The following HMCN2 variants were observed in gnomAD, a reference collection of about 807,000 sequenced individuals.
The protein encoded by HMCN2 is hemicentin-2.
In HMCN2, 325 loss-of-function variants were observed where a neutral mutation model predicts 377.5. The observed-to-expected ratio is 0.86, with a 90% CI of 0.79 to 0.94. HMCN2 has a LOEUF of 0.94. Ranked by LOEUF, HMCN2 falls within the 40% of genes least tolerant of loss-of-function variation. The pLI is 0.00. For missense variants in HMCN2, 4,543 were observed against 4,725.3 expected (o/e 0.96, Z 1.13); for synonymous variants, 2,007 against 2,046.8 (o/e 0.98, Z 0.53).
intron 23 of HMCN2, among the ~76,000 whole-genome samples, chr9:130,339,277 G>A (rs1838925030): frequency 6.6e-6 from 1 of 152,218 alleles, no homozygotes; most frequent in African/African-American, 2.4e-5. Flanking sequence ...GCCTGTGGCT[G>A]CTTTACCCTC....
chr9:130,307,511 T>A lies in HMCN2; in HGVS notation c.2145T>A (p.Ala715=), dbSNP rs1554937269. ...AVVLVAVGEE[A]VLVCEASGVP... Reference sequence around the variant, plus strand: ...TGCTGGTGGCCGTTGGGGAGGAGGCTGTGTTGGTGTGTGAGGCATCTGGGG... The same window carrying A: ...TGCTGGTGGCCGTTGGGGAGGAGGCAGTGTTGGTGTGTGAGGCATCTGGGG... The change falls in exon 14 of 98, where the codon GCT becomes GCA. Residue 715 remains alanine (A), a synonymous_variant. Coordinates refer to ENST00000683500, the MANE Select transcript of HMCN2 (RefSeq NM_001291815.2). 2.1e-6 allele frequency: 1 copy of A among 471,122 alleles called. No individual in the cohort carries two copies. Among genetic ancestry groups the A allele is most frequent in the South Asian group, 1.5e-5 (1 of 64,558 alleles). The allele number at this position is 471,122 out of a possible 1,614,324, so 29.2% of individuals were successfully genotyped here. A position where few individuals can be genotyped will look rare whatever the true frequency, so the allele number is the denominator to read the frequency against.
chr9:130,359,246 G>C (rs1234041165), intron 36 of HMCN2, 73 bp from the exon 37 acceptor site: 2 of 794,540 alleles, frequency 2.5e-6, no homozygotes, highest in Non-Finnish European at 3.7e-6. Context: ...GAGCAGCACT[G>C]CTGGGATGGC....
At chr9:130,427,714 C>A in intron 92 of HMCN2, 95 bp downstream of exon 92, 1 of 1,414,718 alleles carries the variant, frequency 7.1e-7, no homozygotes, top group Non-Finnish European at 9.4e-7. Context: ...TGGCTGGGGA[C>A]ACAGACCTGC....
In HMCN2 at chr9:130,313,324, TCC is replaced by T. The variant is rs1837362588; in HGVS notation, c.2350+3264_2350+3265del. ...TGTCTGGGGCATAGGAAGGGAGGCA[TCC>T]TACTCCTCTGTGCCAGGAGGGCCTG... On this transcript the variant is annotated intron_variant, in intron 15 of 97. Transcript: ENST00000683500. 1.4e-5 allele frequency among the ~76,000 whole-genome samples: 2 copies of T among 147,678 alleles called. 1 individual carries two copies. Among genetic ancestry groups the T allele is most frequent in the Non-Finnish European group, 3.1e-5 (2 of 65,436 alleles).
intron 15 of HMCN2, among the ~76,000 whole-genome samples, chr9:130,312,594 TTCTTTCTTTCTTTCTTTCTTTC>T (rs1837325103): frequency 1.9e-5 from 2 of 107,514 alleles, no homozygotes; most frequent in African/African-American, 7.1e-5. Flanking sequence ...CTTTCTTTCT[TTCTTTCTTTCTTTCTTTCTTTC>T]TCTGTCTCTC....
Position 130,400,966 on chromosome 9 carries a change from CAG to C in HMCN2, c.11770+26_11770+27del. The C allele has an allele frequency of 7.8e-7, 1 of 1,276,046 alleles. No individual in the cohort carries two copies. Among genetic ancestry groups the C allele is most frequent in the Non-Finnish European group, 1.0e-6 (1 of 982,360 alleles). 79.0% of individuals were successfully genotyped at this position (1,276,046 alleles called of 1,614,324 possible). On this transcript the variant is annotated intron_variant, in intron 77 of 97. Coordinates refer to ENST00000683500, the MANE Select transcript of HMCN2 (RefSeq NM_001291815.2). ...CCATCGGGTAAGTAAGGGTAAGCCA[CAG>C]AGAGAGGCAGCTGAGGGGAGACTGG...
rs1842466068 is a variant in HMCN2, at chr9:130,393,957, G to A, written c.10450G>A (p.Ala3484Thr). Reference sequence around the variant, plus strand: ...TGACTCGGGGACCTACTCCTGTGTGGCCGTGAGCGAGGCGGGGGAAGCCAG... The same window carrying A: ...TGACTCGGGGACCTACTCCTGTGTGACCGTGAGCGAGGCGGGGGAAGCCAG... Reference protein sequence around the residue: ...AGDSGTYSCVAVSEAGEARRH... With the variant: ...AGDSGTYSCVTVSEAGEARRH... Residue 3484 changes from alanine (A) to threonine (T), a missense_variant, in exon 68 of 98, where the codon GCC (alanine) becomes ACC (threonine). Around this residue, in one of 5 missense-constraint regions of HMCN2, gnomAD observed 1,073 missense variants for 1,319.5 expected, o/e 0.81. Coordinates refer to ENST00000683500, the MANE Select transcript of HMCN2 (RefSeq NM_001291815.2). This position sits in a 1 kb window ranked among gnomAD's most constrained non-coding sequence, Gnocchi z 5.2. 11 of 1,286,018 alleles carry A rather than the reference G, an allele frequency of 8.6e-6. No individual in the cohort carries two copies. Among genetic ancestry groups the A allele is most frequent in the Non-Finnish European group, 1.1e-5 (11 of 987,568 alleles). The allele number at this position is 1,286,018 out of a possible 1,614,324, so 79.7% of individuals were successfully genotyped here. A position where few individuals can be genotyped will look rare whatever the true frequency, so the allele number is the denominator to read the frequency against.
Position 130,394,334 on chromosome 9 carries a change from T to C in HMCN2, c.10502-51T>C, listed in dbSNP as rs2131686710. Reference sequence around the variant, plus strand: ...AGCACAGTGTTTTCAAGTGCGGTGCTGTCCCGGAAATGTGTGTCAATTGTG... The same window carrying C: ...AGCACAGTGTTTTCAAGTGCGGTGCCGTCCCGGAAATGTGTGTCAATTGTG... On this transcript the variant is annotated intron_variant, in intron 68 of 97. Coordinates refer to ENST00000683500, the MANE Select transcript of HMCN2 (RefSeq NM_001291815.2). The surrounding 1 kb of genome is among the most constrained non-coding windows in gnomAD (Gnocchi z 5.1). 8.5e-7 allele frequency: 1 copy of C among 1,170,916 alleles called. No homozygotes were observed. Among genetic ancestry groups the C allele is most frequent in the Non-Finnish European group, 1.1e-6 (1 of 884,898 alleles). The allele number at this position is 1,170,916 out of a possible 1,614,324, so 72.5% of individuals were successfully genotyped here. A position where few individuals can be genotyped will look rare whatever the true frequency, so the allele number is the denominator to read the frequency against.
chr9:130,431,405 G>T lies in HMCN2; in HGVS notation c.14686G>T (p.Ala4896Ser), dbSNP rs868204870. ...ECRVRNLCQH[A>S]CRNTEGSYQC... ...CCGCGTGAGGAACCTGTGTCAGCACGCCTGCCGCAACACTGAGGGCAGCTA... is the reference window on the plus strand; with the variant it reads ...CCGCGTGAGGAACCTGTGTCAGCACTCCTGCCGCAACACTGAGGGCAGCTA... The change falls in exon 96 of 98, where the codon GCC (alanine) becomes TCC (serine). Residue 4896 changes from alanine (A) to serine (S), a missense_variant. Physicochemically the swap from Ala to Ser is moderately conservative, Grantham distance 99. Transcript: ENST00000683500. 44 of 1,549,942 alleles carry T rather than the reference G, an allele frequency of 2.8e-5. No individual in the cohort carries two copies. In the African/African-American group the frequency reaches 4.4e-4, roughly 15 times the overall value.
In HMCN2 at chr9:130,265,839, C is replaced by A. The variant is rs1834060565; in HGVS notation, c.-40C>A. On this transcript the variant is annotated 5_prime_UTR_variant, in exon 1 of 98. Transcript: ENST00000683500. ...GGGGCGGCCGGCTAGCTCCGACCTGCGCCTCCACCGCAGCACCCGCAGCCA... is the reference window on the plus strand; with the variant it reads ...GGGGCGGCCGGCTAGCTCCGACCTGAGCCTCCACCGCAGCACCCGCAGCCA... 1 of 322,430 alleles carries A rather than the reference C, an allele frequency of 3.1e-6. No individual in the cohort carries two copies. The highest frequency in any genetic ancestry group is 5.9e-6 in the Non-Finnish European group (1 of 168,218). 20.0% of individuals were successfully genotyped at this position (322,430 alleles called of 1,614,324 possible).
chr9:130,279,469 C>G (rs888518120), intron 1 of HMCN2, among the ~76,000 whole-genome samples: 1 of 152,136 alleles, frequency 6.6e-6, no homozygotes, highest in Non-Finnish European at 1.5e-5. Context: ...TCTCCTGCCT[C>G]AGCCTTTTGA....
In HMCN2 at chr9:130,393,959, C is replaced by T. The variant is rs930469486; in HGVS notation, c.10452C>T (p.Ala3484=). 22 of 1,285,430 alleles carry T rather than the reference C, an allele frequency of 1.7e-5. No individual in the cohort carries two copies. The Middle Eastern group carries it at 1.2e-3, about 70-fold the overall frequency. 79.6% of individuals were successfully genotyped at this position (1,285,430 alleles called of 1,614,324 possible). ...AGDSGTYSCV[A]VSEAGEARRH... is the part of the protein sequence containing the mutation. ...ACTCGGGGACCTACTCCTGTGTGGC[C>T]GTGAGCGAGGCGGGGGAAGCCAGGA... The change falls in exon 68 of 98, where the codon GCC becomes GCT. Residue 3484 remains alanine, a synonymous_variant. Transcript: ENST00000683500. The surrounding 1 kb of genome is among the most constrained non-coding windows in gnomAD (Gnocchi z 5.2).
chr9:130,390,748 G>A (rs926002517), intron 62 of HMCN2, among the ~76,000 whole-genome samples: 2 of 152,108 alleles, frequency 1.3e-5, no homozygotes, highest in East Asian at 3.9e-4. Flanking sequence ...GGGAGGGAGA[G>A]GATGGGAGCT....
rs535501059 is a variant in HMCN2 at position 130,299,279 on chromosome 9, G to A, written c.1267G>A (p.Val423Met). ...TGTCTCTGGAGTGTCCTACAGTGGG[G>A]TGGCCCCAGGTGAGTGGTTGGCTCT... ...LRVSGVSYSG[V>M]APGAPLVSMA... is the part of the protein sequence containing the mutation. Residue 423 changes from valine to methionine, a missense_variant, in exon 8 of 98, where the codon GTG (valine) becomes ATG (methionine). This residue lies in a region of HMCN2 where 547 missense variants were observed against 189.9 expected (regional missense o/e 2.88). Transcript: ENST00000683500. 2.4e-5 allele frequency: 11 copies of A among 455,642 alleles called. No homozygotes were observed. Among genetic ancestry groups the A allele is most frequent in the Non-Finnish European group, 4.2e-5 (9 of 216,274 alleles). The allele number at this position is 455,642 out of a possible 1,614,324, so 28.2% of individuals were successfully genotyped here. A position where few individuals can be genotyped will look rare whatever the true frequency, so the allele number is the denominator to read the frequency against.
Position 130,430,566 on chromosome 9 carries a change from G to A in HMCN2, c.14609G>A (p.Cys4870Tyr). The A allele has an allele frequency of 6.4e-7, 1 of 1,550,416 alleles. No homozygotes were observed. Among genetic ancestry groups the A allele is most frequent in the Non-Finnish European group, 8.7e-7 (1 of 1,146,902 alleles). ...CTGAGCAGTGTGGGCCGGGCCTGGTGCCCTCCTGGTTTCATCAGGCAGAAC... is the reference window on the plus strand; with the variant it reads ...CTGAGCAGTGTGGGCCGGGCCTGGTACCCTCCTGGTTTCATCAGGCAGAAC... The part of the protein sequence containing the change: ...MALSSVGRAW[C>Y]PPGFIRQNGV... Residue 4870 changes from cysteine (C) to tyrosine (Y), a missense_variant, in exon 95 of 98, where the codon TGC (cysteine) becomes TAC (tyrosine). Around this residue, in one of 5 missense-constraint regions of HMCN2, gnomAD observed 1,155 missense variants for 1,157.7 expected, o/e 1.00. Transcript: ENST00000683500.
chr9:130,316,284 C>CTGGGGAGTTG (rs1329777168), intron 15 of HMCN2, among the ~76,000 whole-genome samples: 2 of 151,778 alleles, frequency 1.3e-5, no homozygotes, highest in African/African-American at 4.8e-5. Flanking sequence ...GTGTTGAGGG[C>CTGGGGAGTTG]TGGGGAGTTG....
At position 130,425,855 on chromosome 9, in the gene HMCN2, G is replaced by C; in HGVS notation, c.13810G>C (p.Ala4604Pro). 1 of 1,550,432 alleles carries C rather than the reference G, an allele frequency of 6.4e-7. No individual in the cohort carries two copies. The highest frequency in any genetic ancestry group is 1.4e-5 in the African/African-American group (1 of 73,168). The change falls in exon 90 of 98, where the codon GCT becomes CCT. Residue 4604 changes from alanine to proline, a missense_variant. Around this residue, in one of 5 missense-constraint regions of HMCN2, gnomAD observed 1,155 missense variants for 1,157.7 expected, o/e 1.00. Coordinates refer to ENST00000683500, the MANE Select transcript of HMCN2 (RefSeq NM_001291815.2). ...PQLVQHLRAS[A>P]ISSAFDPEAE... Reference sequence around the variant, plus strand: ...GCTGGTGCAGCACCTGCGGGCCTCAGCTATCAGCTCGGCCTTTGATCCAGA... The same window carrying C: ...GCTGGTGCAGCACCTGCGGGCCTCACCTATCAGCTCGGCCTTTGATCCAGA...
chr9:130,296,863 T>G, intron 7 of HMCN2, 69 bp downstream of exon 7: 26 of 434,934 alleles, frequency 6.0e-5, no homozygotes, highest in Non-Finnish European at 1.0e-4. Flanking sequence ...CTTTGGGAAG[T>G]AGGGGGGAGG....
intron 34 of HMCN2, among the ~76,000 whole-genome samples, chr9:130,357,313 C>G (rs1328055426): frequency 6.2e-4 from 35 of 56,666 alleles, no homozygotes; most frequent in African/African-American, 1.1e-3. Flanking sequence ...TAGATGGATG[C>G]ATGGGTGGGT....
Sources: allele counts gnomAD v4.1 joint callset (sites outside exome capture counted in the v4.1 genomes callset), GRCh38; gene constraint gnomAD v4.1.1; regional missense constraint gnomAD v4.1.1; non-coding constraint Gnocchi (gnomAD v3.1); transcripts MANE v1.5; gene names NCBI Gene and HGNC (gene_info 2026-07-23, HGNC 2026-07-21).